Variants in KMT2C observed in about 807,000 individuals in gnomAD.
KMT2C encodes the protein histone-lysine N-methyltransferase 2C.
KMT2C carries 88 observed loss-of-function variants against 507.9 expected under a neutral mutation model. The ratio of observed to expected loss-of-function variants is 0.17; its 90% CI spans 0.15 to 0.21. The LOEUF is 0.21. Among genes scored for constraint, KMT2C ranks in the 10% least tolerant of loss-of-function variants. KMT2C has a pLI of 1.00. For synonymous variants in KMT2C, 2,049 were observed against 2,080.8 expected, an observed-to-expected ratio of 0.98 and a Z score of 0.42; for missense variants, 4,954 against 5,957.8, an observed-to-expected ratio of 0.83 and a Z score of 5.55.
chr7:152,194,521 C>T lies in KMT2C; in HGVS notation c.4426G>A (p.Val1476Ile), dbSNP rs1307980849. 5 of 1,613,058 alleles carry T rather than the reference C, an allele frequency of 3.1e-6. No homozygotes were observed. In the South Asian group the frequency reaches 4.4e-5, roughly 14 times the overall value. Residue 1476 changes from valine to isoleucine, a missense_variant, in exon 29 of 59, where the codon GTC (valine) becomes ATC (isoleucine). Physicochemically the swap from Val to Ile is conservative, Grantham distance 29. This residue lies in a region of KMT2C where 140 missense variants were observed against 118.4 expected (regional missense o/e 1.18). Coordinates refer to ENST00000262189, the MANE Select transcript of KMT2C (RefSeq NM_170606.3). ...CTTAATGGTCGTGAACTCTGATTGA[C>T]ATTTGGCTGAGGCAAAGAGGAAGGA... The part of the protein sequence containing the change: ...DDPSSLPQPN[V>I]NQSSRPLSEE...
chr7:152,350,571 T>C (rs1260638706), intron 2 of KMT2C, among the ~76,000 whole-genome samples: 1 of 152,056 alleles, frequency 6.6e-6, no homozygotes, highest in Admixed American at 6.5e-5. Flanking sequence ...TATGTAAACA[T>C]AGAAACAATG....
intron 2 of KMT2C, among the ~76,000 whole-genome samples, chr7:152,335,744 A>C (rs2096927788): frequency 1.3e-5 from 2 of 152,214 alleles, no homozygotes; most frequent in South Asian, 4.1e-4. Context: ...AGCTAAGGGA[A>C]AAGAAGCAGG....
At chr7:152,242,112 C>T (rs10251928) in intron 14 of KMT2C, among the ~76,000 whole-genome samples, 16,413 of 152,114 alleles carry the variant, frequency 0.11, 2,135 homozygotes, top group African/African-American at 0.31. Flanking sequence ...ACACAAACCA[C>T]TCAGAAAAGG....
rs543229538 is a variant in KMT2C at position 152,197,341 on chromosome 7, T to C, written c.4274-1330A>G. The stretch of plus-strand genomic sequence containing the variant: ...TTTAATAATTATATTAGTCATTCAG[T>C]AAAGAGAAACTGAAATTTTTAATCC... On this transcript the variant is annotated intron_variant, in intron 27 of 58. Coordinates refer to ENST00000262189, the MANE Select transcript of KMT2C (RefSeq NM_170606.3). 1.2e-4 allele frequency among the ~76,000 whole-genome samples: 18 copies of C among 152,304 alleles called. No homozygotes were observed. In the South Asian group the frequency reaches 3.7e-3, roughly 32 times the overall value.
At chr7:152,249,157 G>A (rs1020701975) in intron 13 of KMT2C, among the ~76,000 whole-genome samples, 1 of 151,878 alleles carries the variant, frequency 6.6e-6, no homozygotes, top group Non-Finnish European at 1.5e-5. Flanking sequence ...ACTAATCTCA[G>A]GAAATCTATA....
At chr7:152,422,949 G>A (rs565923835) in intron 1 of KMT2C, among the ~76,000 whole-genome samples, 12 of 151,614 alleles carry the variant, frequency 7.9e-5, no homozygotes, top group Admixed American at 3.3e-4. Flanking sequence ...CCCGGGAGGC[G>A]GAGCTTACAG....
rs2129120644 is a variant in KMT2C, at chr7:152,182,066, C to T, written c.5794G>A (p.Val1932Ile). The T allele has an allele frequency of 6.2e-7, 1 of 1,614,082 alleles. No homozygotes were observed. Among genetic ancestry groups the T allele is most frequent in the Non-Finnish European group, 8.5e-7 (1 of 1,180,020 alleles). Reference sequence around the variant, plus strand: ...TCATTCATTTGAAGGGGCCTAGATACCGATGATAAAGGTGTACAGTTTTCC... The same window carrying T: ...TCATTCATTTGAAGGGGCCTAGATATCGATGATAAAGGTGTACAGTTTTCC... ...PVENCTPLSSVSRPLQMNETT... is the reference protein window; with the variant it reads ...PVENCTPLSSISRPLQMNETT... The change falls in exon 36 of 59, where the codon GTA becomes ATA. Residue 1932 changes from valine to isoleucine, a missense_variant. Val to Ile is a conservative substitution (Grantham distance 29). Around this residue, in one of 29 missense-constraint regions of KMT2C, gnomAD observed 1,689 missense variants for 1,654.3 expected, o/e 1.02. Transcript: ENST00000262189.
intron 1 of KMT2C, among the ~76,000 whole-genome samples, chr7:152,363,278 T>C (rs1189944262): frequency 6.6e-6 from 1 of 152,212 alleles, no homozygotes; most frequent in African/African-American, 2.4e-5. Flanking sequence ...TCCTGTCTCT[T>C]AACCCTTTCA....
In KMT2C at chr7:152,174,141, C is replaced by T. The variant is rs1244312926; in HGVS notation, c.9364G>A (p.Val3122Met). The T allele has an allele frequency of 1.9e-6, 3 of 1,593,850 alleles. No homozygotes were observed. Among genetic ancestry groups the T allele is most frequent in the African/African-American group, 2.7e-5 (2 of 74,134 alleles). The change falls in exon 39 of 59, where the codon GTG becomes ATG. Residue 3122 changes from valine (V) to methionine (M), a missense_variant. Coordinates refer to ENST00000262189, the MANE Select transcript of KMT2C (RefSeq NM_170606.3). ...AGCCACTCCACCTACCTGCTCATCA[C>T]CATTGGTGGCATGCCCAGATTGTTT... Reference protein sequence around the residue: ...AQNNLGMPPMVMSRFPFMGQV... With the variant: ...AQNNLGMPPMMMSRFPFMGQV...
At chr7:152,337,055 C>G (rs1407719552) in intron 2 of KMT2C, among the ~76,000 whole-genome samples, 2 of 152,160 alleles carry the variant, frequency 1.3e-5, no homozygotes, top group African/African-American at 4.8e-5. Flanking sequence ...CTTTGGGAAG[C>G]AGGAGGATCA....
intron 6 of KMT2C, among the ~76,000 whole-genome samples, chr7:152,278,995 A>G (rs2096146308): frequency 6.6e-6 from 1 of 152,274 alleles, no homozygotes; most frequent in Non-Finnish European, 1.5e-5. Flanking sequence ...TATTCCAAAA[A>G]TAGAGAAAAC....
At position 152,162,299 on chromosome 7, in the gene KMT2C, G is replaced by T; in HGVS notation, c.11278C>A (p.Pro3760Thr). The change falls in exon 43 of 59, where the codon CCC (proline) becomes ACC (threonine). Residue 3760 changes from proline (P) to threonine (T), a missense_variant. Physicochemically the swap from Pro to Thr is conservative, Grantham distance 38. Around this residue, in one of 29 missense-constraint regions of KMT2C, gnomAD observed 801 missense variants for 751.2 expected, o/e 1.07. Transcript: ENST00000262189. ...GCAGCAGGGGCCCCAGCAGAATGGG[G>T]AGGACTCTGTGCTGAGGAGACAGGA... ...ACPVSSAQSP[P>T]HSAGAPAAKG... The T allele has an allele frequency of 6.2e-7, 1 of 1,614,222 alleles. No individual in the cohort carries two copies. Among genetic ancestry groups the T allele is most frequent in the Non-Finnish European group, 8.5e-7 (1 of 1,180,036 alleles).
intron 6 of KMT2C, among the ~76,000 whole-genome samples, chr7:152,294,984 T>G (rs1409661602): frequency 6.6e-6 from 1 of 152,162 alleles, no homozygotes; most frequent in African/African-American, 2.4e-5. Flanking sequence ...CCCTGACATT[T>G]AGTGTCAAAG....
chr7:152,181,356 A>T lies in KMT2C; in HGVS notation c.6504T>A (p.Pro2168=), dbSNP rs2129119873. The T allele has an allele frequency of 6.2e-7, 1 of 1,614,048 alleles. No individual in the cohort carries two copies. The change falls in exon 36 of 59, where the codon CCT becomes CCA. Residue 2168 remains proline (P), a synonymous_variant. Coordinates refer to ENST00000262189, the MANE Select transcript of KMT2C (RefSeq NM_170606.3). ...GCTGACTATATGGGTCAACAGTAGT[A>T]GGCCGGGGAGTTCCAGGAGGTTGAG... ...PYSQPPGTPR[P]TTVDPYSQQP...
intron 42 of KMT2C, among the ~76,000 whole-genome samples, chr7:152,166,648 G>A (rs1172763923): frequency 6.6e-6 from 1 of 152,000 alleles, no homozygotes; most frequent in African/African-American, 2.4e-5. Context: ...ACATACCAAT[G>A]TATTTTAAGA....
At position 152,180,801 on chromosome 7, in the gene KMT2C, G is replaced by C. The variant is rs2093409825; in HGVS notation, c.7059C>G (p.Ser2353=). The change falls in exon 36 of 59, where the codon TCC becomes TCG. Residue 2353 remains serine, a synonymous_variant. Coordinates refer to ENST00000262189, the MANE Select transcript of KMT2C (RefSeq NM_170606.3). The part of the protein sequence containing the change: ...HSQGQQFSGV[S]QLPGPVPTSG... ...AAGTTGGCACAGGTCCAGGAAGTTG[G>C]GAGACACCAGAGAACTGCTGGCCTT... is the stretch of plus-strand genomic sequence containing the variant. The C allele has an allele frequency of 6.2e-7, 1 of 1,614,092 alleles. No individual in the cohort carries two copies. The highest frequency in any genetic ancestry group is 8.5e-7 in the Non-Finnish European group (1 of 1,180,002).
rs565223446 is a variant in KMT2C at position 152,280,391 on chromosome 7, A to T, written c.850-6524T>A. Among the ~76,000 whole-genome samples, 36 of 142,846 alleles carry T rather than the reference A, an allele frequency of 2.5e-4. No homozygotes were observed. In the South Asian group the frequency reaches 5.0e-3, roughly 20 times the overall value. 93.7% of individuals were successfully genotyped at this position (142,846 alleles called of 152,430 possible). A position where few individuals can be genotyped will look rare whatever the true frequency, so the allele number is the denominator to read the frequency against. On this transcript the variant is annotated intron_variant, in intron 6 of 58. Transcript: ENST00000262189. Reference sequence around the variant, plus strand: ...CCCCGTCTCTACTAAAAATAAAAATAAAAAAAAAAAATTAGCCGGCGTGGT... The same window carrying T: ...CCCCGTCTCTACTAAAAATAAAAATTAAAAAAAAAAATTAGCCGGCGTGGT...
chr7:152,286,557 G>T (rs1425862022), intron 6 of KMT2C, among the ~76,000 whole-genome samples: 1 of 152,154 alleles, frequency 6.6e-6, no homozygotes, highest in African/African-American at 2.4e-5. Context: ...AATCATCCCA[G>T]AACTCTGTAT....
chr7:152,368,310 T>C, intron 1 of KMT2C: 4 of 1,188,834 alleles, frequency 3.4e-6, no homozygotes, highest in Non-Finnish European at 3.7e-6. Flanking sequence ...TGACTTATAA[T>C]GGAGTTGATA....
Sources: gnomAD v4.1 joint callset for allele counts (sites outside exome capture counted in the v4.1 genomes callset) on GRCh38, gnomAD v4.1.1 for gene constraint, gnomAD v4.1.1 regional missense constraint, MANE v1.5 for transcripts, NCBI Gene and HGNC (gene_info 2026-07-23, HGNC 2026-07-21) for gene names.